Variants in STARD9 observed in about 807,000 individuals in gnomAD.
STARD9 encodes stAR-related lipid transfer protein 9.
In STARD9, 346 loss-of-function variants were observed where a neutral mutation model predicts 399.8. That is an observed-to-expected ratio of 0.87 (90% confidence interval 0.79 to 0.95). STARD9 has a LOEUF of 0.95. Ranked by LOEUF, STARD9 falls within the 40% of genes least tolerant of loss-of-function variation. The probability of loss-of-function intolerance (pLI) is 0.00; values close to 1 mark genes in which losing one functional copy is unlikely to be tolerated. For missense variants in STARD9, 5,832 were observed against 5,667.5 expected (o/e 1.03, Z -0.93); for synonymous variants, 2,203 against 2,143.5 (o/e 1.03, Z -0.77).
chr15:42,598,604 G>T (rs2058563151), intron 3 of STARD9, among the ~76,000 whole-genome samples: 1 of 151,854 alleles, frequency 6.6e-6, no homozygotes, highest in Non-Finnish European at 1.5e-5. Context: ...ATTTTTTATT[G>T]ATATACATAT....
At chr15:42,707,308 A>C (rs1332312670) in intron 26 of STARD9, among the ~76,000 whole-genome samples, 1 of 152,212 alleles carries the variant, frequency 6.6e-6, no homozygotes, top group East Asian at 1.9e-4. Context: ...TTGTTTATTA[A>C]GGCATTATTT....
chr15:42,687,634 A>C lies in STARD9; in HGVS notation c.6056A>C (p.Glu2019Ala). The change falls in exon 23 of 33, where the codon GAA becomes GCA. Residue 2019 changes from glutamate (E) to alanine (A), a missense_variant. By Grantham distance (107) the Glu-to-Ala change is moderately radical. Coordinates refer to ENST00000290607, the MANE Select transcript of STARD9 (RefSeq NM_020759.3). ...TGCCCTCAGGAAAGAAACCCCAGTG[A>C]ATGCAAGTCACAAGAAATGTTAAAT... ...VACPQERNPS[E>A]CKSQEMLNPN... 6.5e-7 allele frequency: 1 copy of C among 1,537,130 alleles called. No individual in the cohort carries two copies. The highest frequency in any genetic ancestry group is 8.7e-7 in the Non-Finnish European group (1 of 1,146,906).
rs552724610 is a variant in STARD9 at position 42,635,240 on chromosome 15, A to G, written c.351+268A>G. On this transcript the variant is annotated intron_variant, in intron 4 of 32. Transcript: ENST00000290607. ...GTGCCATTGCACTCCAGCCTGGGCAACAAGAGCAAAACTCCATCTCAAAAA... is the reference window on the plus strand; with the variant it reads ...GTGCCATTGCACTCCAGCCTGGGCAGCAAGAGCAAAACTCCATCTCAAAAA... 7.9e-5 allele frequency among the ~76,000 whole-genome samples: 12 copies of G among 151,132 alleles called. 1 individual carries two copies. The East Asian group carries it at 1.4e-3, about 17-fold the overall frequency.
intron 26 of STARD9, among the ~76,000 whole-genome samples, chr15:42,715,092 CCACT>C (rs2061326608): frequency 6.7e-6 from 1 of 149,412 alleles, no homozygotes; most frequent in East Asian, 1.9e-4. Context: ...AAAAAAAAAA[CCACT>C]CAGAGAGATG....
chr15:42,673,974 T>G (rs1595747477), intron 16 of STARD9: 3 of 456,550 alleles, frequency 6.6e-6, no homozygotes, highest in South Asian at 1.5e-5. Context: ...GTAAAAATCC[T>G]GTGTTTCCAT....
At chr15:42,701,518 G>A (rs1270023086) in intron 26 of STARD9, among the ~76,000 whole-genome samples, 1 of 152,102 alleles carries the variant, frequency 6.6e-6, no homozygotes, top group Non-Finnish European at 1.5e-5. Context: ...ATGGGATTGT[G>A]TTCTTGCTTT....
intron 3 of STARD9, among the ~76,000 whole-genome samples, chr15:42,593,710 C>CTGGAGTG (rs1451199529): frequency 8.5e-6 from 1 of 118,210 alleles, no homozygotes; most frequent in African/African-American, 3.2e-5. Context: ...GTTGCCCAGG[C>CTGGAGTG]TGGAGTGCAG....
chr15:42,660,468 G>A (rs920484683), intron 9 of STARD9, among the ~76,000 whole-genome samples: 33 of 151,716 alleles, frequency 2.2e-4, no homozygotes, highest in African/African-American at 7.5e-4. Context: ...GGAGGCCGAG[G>A]CAGGAGAATC....
intron 3 of STARD9, among the ~76,000 whole-genome samples, chr15:42,593,656 T>TC (rs1356790567): frequency 1.1e-5 from 1 of 88,820 alleles, no homozygotes; most frequent in East Asian, 2.5e-4. Flanking sequence ...TTGTGCTTCT[T>TC]TTTTTTTTTT....
chr15:42,591,435 C>T (rs1426847334), intron 3 of STARD9, among the ~76,000 whole-genome samples: 1 of 151,662 alleles, frequency 6.6e-6, no homozygotes, highest in East Asian at 1.9e-4. Flanking sequence ...TTGCAGTAAG[C>T]CGAGATCGCA....
In STARD9 at chr15:42,686,820, T is replaced by G. The variant is rs554486366; in HGVS notation, c.5242T>G (p.Tyr1748Asp). 6.5e-7 allele frequency: 1 copy of G among 1,537,200 alleles called. No homozygotes were observed. Among genetic ancestry groups the G allele is most frequent in the East Asian group, 2.4e-5 (1 of 40,928 alleles). ...GCAGCCCCCACTCTTGGAAACATTC[T>G]ATGTGACCAAAAGCAGGGATGCCCT... ...SLQPPLLETF[Y>D]VTKSRDALTE... Residue 1748 changes from tyrosine to aspartate, a missense_variant, in exon 23 of 33, where the codon TAT (tyrosine) becomes GAT (aspartate). This residue lies in a region of STARD9 where 5,828 missense variants were observed against 5,651.1 expected (regional missense o/e 1.03). Coordinates refer to ENST00000290607, the MANE Select transcript of STARD9 (RefSeq NM_020759.3).
intron 26 of STARD9, among the ~76,000 whole-genome samples, chr15:42,712,079 T>TA (rs2061237462): frequency 2.3e-5 from 1 of 43,442 alleles, no homozygotes; most frequent in African/African-American, 4.1e-4. Flanking sequence ...TATATATATA[T>TA]ATTATATATA....
intron 3 of STARD9, among the ~76,000 whole-genome samples, chr15:42,617,288 C>T (rs1184557570): frequency 6.6e-6 from 1 of 152,128 alleles, no homozygotes; most frequent in East Asian, 1.9e-4. Context: ...GAAATTAATG[C>T]CAGTCAAATT....
chr15:42,626,814 C>A (rs578260479), intron 3 of STARD9, among the ~76,000 whole-genome samples: 1 of 151,176 alleles, frequency 6.6e-6, no homozygotes, highest in Non-Finnish European at 1.5e-5. Context: ...GCCTGGCCAT[C>A]TTTAATTTAA....
intron 3 of STARD9, among the ~76,000 whole-genome samples, chr15:42,599,653 T>C (rs2058582888): frequency 6.6e-6 from 1 of 152,250 alleles, no homozygotes; most frequent in African/African-American, 2.4e-5. Context: ...TCTATTTTAT[T>C]AGTCTGAGTG....
rs546112441 is a variant in STARD9 at position 42,581,262 on chromosome 15, G to A, written c.48-2084G>A. ...CAGGGCTAGTGACTCCCGGGATATTGGGCAGATGGCAGGTGGGGTCTGAGC... is the reference window on the plus strand; with the variant it reads ...CAGGGCTAGTGACTCCCGGGATATTAGGCAGATGGCAGGTGGGGTCTGAGC... On this transcript the variant is annotated intron_variant, in intron 1 of 32. Transcript: ENST00000290607. The A allele has an allele frequency of 3.1e-4, 268 of 878,662 alleles. 3 individuals carry two copies. In the South Asian group the frequency reaches 3.4e-3, roughly 11 times the overall value. 54.4% of individuals were successfully genotyped at this position (878,662 alleles called of 1,614,324 possible).
At chr15:42,653,862 T>A (rs964732100) in intron 9 of STARD9, among the ~76,000 whole-genome samples, 2 of 152,126 alleles carry the variant, frequency 1.3e-5, no homozygotes, top group Non-Finnish European at 2.9e-5. Context: ...AATAAAAGAA[T>A]AAGATTACAT....
Position 42,691,576 on chromosome 15 carries a change from G to C in STARD9, c.9998G>C (p.Arg3333Pro). ...CAGTTCTCAGTTGTCGGCTCTTCTC[G>C]TTCTCTTCAGGAGCTGAACTTGAGT... is the stretch of plus-strand genomic sequence containing the variant. ...TPQFSVVGSS[R>P]SLQELNLSVE... Residue 3333 changes from arginine (R) to proline (P), a missense_variant, in exon 23 of 33, where the codon CGT becomes CCT. Around this residue, in one of 2 missense-constraint regions of STARD9, gnomAD observed 5,828 missense variants for 5,651.1 expected, o/e 1.03. Coordinates refer to ENST00000290607, the MANE Select transcript of STARD9 (RefSeq NM_020759.3). 1.3e-6 allele frequency: 2 copies of C among 1,537,188 alleles called. No individual in the cohort carries two copies. Among genetic ancestry groups the C allele is most frequent in the Non-Finnish European group, 1.7e-6 (2 of 1,146,898 alleles).
intron 4 of STARD9, among the ~76,000 whole-genome samples, chr15:42,637,605 A>G (rs2059443420): frequency 6.6e-6 from 1 of 152,194 alleles, no homozygotes; most frequent in Admixed American, 6.5e-5. Flanking sequence ...AAGTGTTTTT[A>G]TCCAAGAATA....
Sources: allele counts gnomAD v4.1 joint callset (sites outside exome capture counted in the v4.1 genomes callset), GRCh38; gene constraint gnomAD v4.1.1; regional missense constraint gnomAD v4.1.1; transcripts MANE v1.5; gene names NCBI Gene and HGNC (gene_info 2026-07-23, HGNC 2026-07-21).